Variants in SGCD observed in about 807,000 individuals in gnomAD.
The protein encoded by SGCD is sarcoglycan delta.
In SGCD, 18 loss-of-function variants were observed where a neutral mutation model predicts 36.6. The observed-to-expected ratio is 0.49, with a 90% CI of 0.34 to 0.73. SGCD has a LOEUF of 0.73. Among genes scored for constraint, SGCD ranks in the 30% least tolerant of loss-of-function variants. The pLI is 0.01. For missense variants in SGCD, 387 were observed against 346.7 expected (o/e 1.12, Z -0.92); for synonymous variants, 133 against 130.6 (o/e 1.02, Z -0.12).
chr5:155,991,930 T>G (rs915399584), intron 1 of SGCD, among the ~76,000 whole-genome samples: 1 of 152,226 alleles, frequency 6.6e-6, no homozygotes. Flanking sequence ...GGGATAAGAA[T>G]TTAACTTGCT....
intron 4 of SGCD, among the ~76,000 whole-genome samples, chr5:156,510,399 G>A (rs1455442881): frequency 1.3e-5 from 2 of 152,118 alleles, no homozygotes; most frequent in Non-Finnish European, 2.9e-5. Context: ...TCTGTTATAT[G>A]CATTGCTCTT....
chr5:156,520,958 A>T (rs1030003825), intron 4 of SGCD, among the ~76,000 whole-genome samples: 1 of 143,154 alleles, frequency 7.0e-6, no homozygotes, highest in African/African-American at 2.6e-5. Context: ...TGGATATTGC[A>T]GTGAGTCGAG....
chr5:156,246,065 T>C (rs1765430377), intron 3 of SGCD, among the ~76,000 whole-genome samples: 1 of 152,194 alleles, frequency 6.6e-6, no homozygotes, highest in African/African-American at 2.4e-5. Flanking sequence ...TGGCTGCCTT[T>C]TCAACATGAC....
At chr5:156,119,372 G>T (rs986887332) in intron 2 of SGCD, among the ~76,000 whole-genome samples, 2 of 152,110 alleles carry the variant, frequency 1.3e-5, no homozygotes, top group African/African-American at 4.8e-5. Context: ...TCCTAGTTAT[G>T]TGATTTCAAT....
chr5:155,735,460 A>G, the SGCD span, among the ~76,000 whole-genome samples: 1 of 152,196 alleles, frequency 6.6e-6, no homozygotes, highest in Admixed American at 6.5e-5. Flanking sequence ...TAGTCCAATC[A>G]GTTTGAAGAA....
the SGCD span, among the ~76,000 whole-genome samples, chr5:155,757,640 T>G: frequency 3.3e-5 from 5 of 152,286 alleles, no homozygotes; most frequent in Admixed American, 3.3e-4. Context: ...GGCTAAGAAC[T>G]GAAAGGGACA....
chr5:156,295,429 A>T (rs1207348121), intron 3 of SGCD, among the ~76,000 whole-genome samples: 1 of 152,056 alleles, frequency 6.6e-6, no homozygotes, highest in Non-Finnish European at 1.5e-5. Context: ...GATGTTCTGT[A>T]TTATGTTTCT....
chr5:155,792,593 A>T, the SGCD span, among the ~76,000 whole-genome samples: 4 of 152,180 alleles, frequency 2.6e-5, no homozygotes. Context: ...AAATGGACAA[A>T]GGACATGAGC....
intron 3 of SGCD, among the ~76,000 whole-genome samples, chr5:156,485,696 A>G (rs1206735086): frequency 6.6e-6 from 1 of 152,154 alleles, no homozygotes; most frequent in East Asian, 1.9e-4. Flanking sequence ...GATGCCCAGC[A>G]TTTGCCTCCT....
intron 3 of SGCD, among the ~76,000 whole-genome samples, chr5:156,464,137 C>G (rs894116786): frequency 2.0e-5 from 3 of 151,412 alleles, no homozygotes; most frequent in African/African-American, 7.3e-5. Flanking sequence ...GATGTGGAAA[C>G]TGAAACTAGA....
chr5:156,051,579 C>T (rs953424360), intron 1 of SGCD, among the ~76,000 whole-genome samples: 1 of 145,884 alleles, frequency 6.9e-6, no homozygotes, highest in Non-Finnish European at 1.5e-5. Context: ...TGTTGAGCTC[C>T]ATGCAGGAGG....
chr5:156,229,096 C>T (rs1764929338), intron 3 of SGCD, among the ~76,000 whole-genome samples: 1 of 151,492 alleles, frequency 6.6e-6, no homozygotes. Flanking sequence ...CTGAATGCTT[C>T]CTGCCCTCAA....
chr5:156,085,608 G>T (rs547400662), intron 1 of SGCD, among the ~76,000 whole-genome samples: 2 of 152,184 alleles, frequency 1.3e-5, no homozygotes, highest in Non-Finnish European at 2.9e-5. Flanking sequence ...TCTCTTTATA[G>T]CAGTGCAAGA....
chr5:155,975,328 CCCA>C (rs1361345137), intron 1 of SGCD, among the ~76,000 whole-genome samples: 1 of 151,958 alleles, frequency 6.6e-6, no homozygotes, highest in Middle Eastern at 3.2e-3. Context: ...CTATTTTGTC[CCCA>C]GGAGACATTT....
chr5:156,744,208 C>T (rs1433582948), intron 7 of SGCD, among the ~76,000 whole-genome samples: 1 of 152,184 alleles, frequency 6.6e-6, no homozygotes, highest in Admixed American at 6.5e-5. Context: ...ATGTATCAAC[C>T]TACCTGAGCT....
intron 3 of SGCD, among the ~76,000 whole-genome samples, chr5:156,208,402 G>A (rs986188290): frequency 6.6e-6 from 1 of 152,212 alleles, no homozygotes; most frequent in African/African-American, 2.4e-5. Context: ...TGCATCTTCT[G>A]CCTTTTAGGG....
the SGCD span, among the ~76,000 whole-genome samples, chr5:155,743,407 A>T: frequency 6.6e-6 from 1 of 152,198 alleles, no homozygotes; most frequent in Non-Finnish European, 1.5e-5. Flanking sequence ...GAATTTTAGG[A>T]TCACTGTCTC....
At chr5:156,155,865 A>T (rs1205702730) in intron 3 of SGCD, among the ~76,000 whole-genome samples, 1 of 151,738 alleles carries the variant, frequency 6.6e-6, no homozygotes, top group Non-Finnish European at 1.5e-5. Context: ...ACATTGCAGG[A>T]TGCAGGAGCC....
At chr5:156,221,557 AT>A (rs1172827585) in intron 3 of SGCD, among the ~76,000 whole-genome samples, 3 of 151,902 alleles carry the variant, frequency 2.0e-5, no homozygotes, top group African/African-American at 7.2e-5. Context: ...ATCTAATGAG[AT>A]TTAAAAAAAA....
Sources: gnomAD v4.1 joint callset for allele counts (sites outside exome capture counted in the v4.1 genomes callset) on GRCh38, gnomAD v4.1.1 for gene constraint, MANE v1.5 for transcripts, NCBI Gene and HGNC (gene_info 2026-07-23, HGNC 2026-07-21) for gene names.